The following HS3ST5 variants were observed in gnomAD, a reference collection of about 807,000 sequenced individuals.
HS3ST5 encodes the protein heparan sulfate-glucosamine 3-sulfotransferase 5, also known as heparan sulfate glucosamine 3-O-sulfotransferase 5.
A neutral mutation model predicts 25.4 loss-of-function variants in HS3ST5; 10 were observed. The ratio of observed to expected loss-of-function variants is 0.39; its 90% CI spans 0.24 to 0.67. The LOEUF (loss-of-function observed/expected upper bound fraction) is 0.67, where lower values mean the gene tolerates loss of function less well. Among genes scored for constraint, HS3ST5 ranks in the 30% least tolerant of loss-of-function variants. The pLI, the probability that HS3ST5 is intolerant of heterozygous loss-of-function variation, is 0.44. For synonymous variants in HS3ST5, 170 were observed against 162.4 expected, an observed-to-expected ratio of 1.05 and a Z score of -0.36; for missense variants, 324 against 420.7, an observed-to-expected ratio of 0.77 and a Z score of 2.01.
intron 1 of HS3ST5, among the ~76,000 whole-genome samples, chr6:114,299,875 C>T (rs997831139): frequency 2.0e-5 from 3 of 152,184 alleles, no homozygotes; most frequent in African/African-American, 7.2e-5. Flanking sequence ...GTGTTCTTAT[C>T]TGCTCTTTCC....
chr6:114,124,111 TC>T (rs1297768045), intron 3 of HS3ST5, among the ~76,000 whole-genome samples: 1 of 152,162 alleles, frequency 6.6e-6, no homozygotes, highest in African/African-American at 2.4e-5. Context: ...GCTTCTGAAC[TC>T]CCTAGCTTTG....
intron 3 of HS3ST5, among the ~76,000 whole-genome samples, chr6:114,144,667 C>T (rs1778068250): frequency 6.6e-6 from 1 of 152,074 alleles, no homozygotes; most frequent in East Asian, 1.9e-4. Flanking sequence ...TATTTTAACC[C>T]CTGCTGGACA....
chr6:114,297,363 C>T (rs1774870856), intron 1 of HS3ST5, among the ~76,000 whole-genome samples: 3 of 152,196 alleles, frequency 2.0e-5, no homozygotes, highest in South Asian at 2.1e-4. Flanking sequence ...ATTTCGGATA[C>T]GCAGGGAACA....
intron 1 of HS3ST5, among the ~76,000 whole-genome samples, chr6:114,259,586 A>C (rs1773077894): frequency 6.6e-6 from 1 of 152,212 alleles, no homozygotes; most frequent in African/African-American, 2.4e-5. Flanking sequence ...TCTCTTTTGA[A>C]ACTAAGCAGT....
At chr6:114,181,750 A>T (rs1779981575) in intron 2 of HS3ST5, among the ~76,000 whole-genome samples, 1 of 152,214 alleles carries the variant, frequency 6.6e-6, no homozygotes, top group Admixed American at 6.5e-5. Flanking sequence ...TTTAGACATT[A>T]CTAAAATGTC....
At chr6:114,323,879 G>T (rs1336357972) in intron 1 of HS3ST5, among the ~76,000 whole-genome samples, 3 of 152,108 alleles carry the variant, frequency 2.0e-5, no homozygotes, top group African/African-American at 7.2e-5. Flanking sequence ...TACCTTTAGG[G>T]CCAAAGAGGC....
intron 3 of HS3ST5, among the ~76,000 whole-genome samples, chr6:114,127,947 T>TAA (rs1251215552): frequency 6.6e-6 from 1 of 150,430 alleles, no homozygotes; most frequent in Non-Finnish European, 1.5e-5. Context: ...TATATATATA[T>TAA]AAAATAAATA....
At chr6:114,285,263 G>A (rs544467551) in intron 1 of HS3ST5, among the ~76,000 whole-genome samples, 1 of 151,952 alleles carries the variant, frequency 6.6e-6, no homozygotes, top group Non-Finnish European at 1.5e-5. Flanking sequence ...ACACACAGAA[G>A]GGAGCAACAT....
rs1049125592 is a variant in HS3ST5, at chr6:114,173,906, A to C, written c.-144-5444T>G. 2.6e-5 allele frequency among the ~76,000 whole-genome samples: 4 copies of C among 152,226 alleles called. No homozygotes were observed. The South Asian group carries it at 6.2e-4, about 24-fold the overall frequency. On this transcript the variant is annotated intron_variant, in intron 2 of 4. Transcript: ENST00000312719. ...AAACAAGCAAACCAACAAAAAACCC[A>C]AAAACAAAATCAAATGCTTTGTTTA...
At chr6:114,233,352 G>A (rs1227025644) in intron 1 of HS3ST5, among the ~76,000 whole-genome samples, 2 of 151,940 alleles carry the variant, frequency 1.3e-5, no homozygotes, top group Non-Finnish European at 2.9e-5. Flanking sequence ...ATTCAACTCT[G>A]AATATTTTTC....
chr6:114,316,942 G>A (rs1372533022), intron 1 of HS3ST5, among the ~76,000 whole-genome samples: 1 of 152,166 alleles, frequency 6.6e-6, no homozygotes. Context: ...TTCAGGTTCT[G>A]AGGCAATGAA....
chr6:114,211,547 T>C (rs1347081613), intron 2 of HS3ST5, among the ~76,000 whole-genome samples: 1 of 152,226 alleles, frequency 6.6e-6, no homozygotes. Context: ...TTTTAGTAAC[T>C]TTAGGAATTT....
chr6:114,225,521 C>T (rs556341147), intron 2 of HS3ST5, among the ~76,000 whole-genome samples: 21 of 151,866 alleles, frequency 1.4e-4, no homozygotes, highest in Admixed American at 6.6e-4. Context: ...AGGGTCATGC[C>T]GCTACTAGGA....
intron 1 of HS3ST5, among the ~76,000 whole-genome samples, chr6:114,243,690 C>A (rs1308356846): frequency 6.6e-6 from 1 of 152,156 alleles, no homozygotes; most frequent in Non-Finnish European, 1.5e-5. Context: ...CTTCCAGTAT[C>A]CATGTCCACT....
At chr6:114,287,157 G>A (rs1458696380) in intron 1 of HS3ST5, among the ~76,000 whole-genome samples, 1 of 151,744 alleles carries the variant, frequency 6.6e-6, no homozygotes, top group Non-Finnish European at 1.5e-5. Flanking sequence ...TCACTTTTAA[G>A]GTAATTATCC....
chr6:114,147,419 T>C (rs576505498), intron 3 of HS3ST5, among the ~76,000 whole-genome samples: 2 of 152,270 alleles, frequency 1.3e-5, no homozygotes, highest in Admixed American at 1.3e-4. Flanking sequence ...CCTCCATGCA[T>C]AGGGACACTG....
intron 1 of HS3ST5, among the ~76,000 whole-genome samples, chr6:114,310,545 A>G (rs1775486822): frequency 1.3e-5 from 2 of 151,546 alleles, no homozygotes; most frequent in Admixed American, 6.6e-5. Context: ...TTTTCCTGCT[A>G]GGAACCTAGG....
chr6:114,276,591 C>A (rs1773863027), intron 1 of HS3ST5, among the ~76,000 whole-genome samples: 1 of 140,048 alleles, frequency 7.1e-6, no homozygotes. Context: ...GCTAAATCTC[C>A]AAAAGCTATG....
intron 1 of HS3ST5, among the ~76,000 whole-genome samples, chr6:114,302,953 T>A (rs1160206449): frequency 6.6e-6 from 1 of 152,214 alleles, no homozygotes; most frequent in East Asian, 1.9e-4. Flanking sequence ...GTAGTTATTC[T>A]TAATGAATTC....
Sources: gnomAD v4.1 joint callset for allele counts (sites outside exome capture counted in the v4.1 genomes callset) on GRCh38, gnomAD v4.1.1 for gene constraint, MANE v1.5 for transcripts, NCBI Gene and HGNC (gene_info 2026-07-23, HGNC 2026-07-21) for gene names.